The following MCM6 variants were observed in gnomAD, a reference collection of about 807,000 sequenced individuals.
The protein encoded by MCM6 is minichromosome maintenance complex component 6, also known as DNA replication licensing factor MCM6.
MCM6 carries 46 observed loss-of-function variants against 94.3 expected under a neutral mutation model. The ratio of observed to expected loss-of-function variants is 0.49; its 90% CI spans 0.39 to 0.62. The LOEUF is 0.62. Ranked by LOEUF, MCM6 falls within the 20% of genes least tolerant of loss-of-function variation. The pLI, the probability that MCM6 is intolerant of heterozygous loss-of-function variation, is 0.00. For synonymous variants in MCM6, 335 were observed against 351.9 expected, an observed-to-expected ratio of 0.95 and a Z score of 0.54; for missense variants, 865 against 1,017.9, an observed-to-expected ratio of 0.85 and a Z score of 2.04.
intron 1 of MCM6, among the ~76,000 whole-genome samples, chr2:135,874,950 T>C (rs1000058350): frequency 2.6e-5 from 4 of 152,202 alleles, no homozygotes; most frequent in African/African-American, 4.8e-5. Context: ...CTTCCACTTA[T>C]ATGAGGTACC....
intron 16 of MCM6, 62 bp downstream of exon 16, chr2:135,844,483 C>A (rs1679634349): frequency 1.5e-6 from 2 of 1,356,044 alleles, no homozygotes; most frequent in Non-Finnish European, 9.6e-7. Flanking sequence ...AGTGAACCTG[C>A]AGATACAGGG....
intron 8 of MCM6, among the ~76,000 whole-genome samples, chr2:135,861,198 C>T (rs1304650402): frequency 6.6e-6 from 1 of 152,100 alleles, no homozygotes; most frequent in East Asian, 1.9e-4. Context: ...TGGTACTATG[C>T]TACAAATTTC....
intron 10 of MCM6, among the ~76,000 whole-genome samples, chr2:135,857,670 A>G (rs954889112): frequency 3.3e-5 from 5 of 152,202 alleles, no homozygotes; most frequent in Non-Finnish European, 7.3e-5. Context: ...AAGAAAATAA[A>G]AGCTTTGTTC....
chr2:135,868,008 CAGAG>C lies in MCM6; in HGVS notation c.615+599_615+602del, dbSNP rs762253869. Among the ~76,000 whole-genome samples the C allele has an allele frequency of 1.1e-3, 162 of 152,102 alleles. 1 individual carries two copies. The highest frequency in any genetic ancestry group is 1.8e-3 in the Non-Finnish European group (125 of 67,996). ...CGCCACTGCACTCCAGCCTGGGTGA[CAGAG>C]AGAGACTGTCTCAAAAAAAAACAAA... On this transcript the variant is annotated intron_variant, in intron 4 of 16. Coordinates refer to ENST00000264156, the MANE Select transcript of MCM6 (RefSeq NM_005915.6).
At chr2:135,865,996 G>A (rs1388831795) in intron 6 of MCM6, 136 bp downstream of exon 6, 1 of 1,004,310 alleles carries the variant, frequency 1.0e-6, no homozygotes, top group Non-Finnish European at 1.4e-6. Context: ...CAGCTACTCA[G>A]GAGGTTGAGA....
chr2:135,843,899 G>A (rs183118294), intron 16 of MCM6, among the ~76,000 whole-genome samples: 2 of 152,152 alleles, frequency 1.3e-5, no homozygotes, highest in South Asian at 4.2e-4. Flanking sequence ...TACTGAGAAT[G>A]GCCAGCTGAC....
intron 5 of MCM6, 95 bp downstream of exon 5, chr2:135,866,468 G>A: frequency 1.4e-6 from 2 of 1,457,072 alleles, no homozygotes; most frequent in Non-Finnish European, 1.9e-6. Flanking sequence ...CTTCTGATTG[G>A]TAGCCAAAAA....
chr2:135,870,386 T>G, intron 2 of MCM6, 25 bp from the exon 3 acceptor site: 153 of 1,454,656 alleles, frequency 1.1e-4, no homozygotes, highest in Non-Finnish European at 1.4e-4. Flanking sequence ...AGTCAGCTGA[T>G]ACCTTAGAGG....
chr2:135,860,210 C>G (rs992344406), intron 8 of MCM6, among the ~76,000 whole-genome samples: 1 of 152,010 alleles, frequency 6.6e-6, no homozygotes, highest in South Asian at 2.1e-4. Context: ...TTGGCTCACT[C>G]CAAGCTCTGC....
intron 1 of MCM6, among the ~76,000 whole-genome samples, chr2:135,875,419 A>G (rs2105595540): frequency 6.6e-6 from 1 of 152,288 alleles, no homozygotes; most frequent in South Asian, 2.1e-4. Flanking sequence ...AACGAGGTGA[A>G]TGCACTTAGT....
intron 7 of MCM6, among the ~76,000 whole-genome samples, chr2:135,863,354 G>A (rs1680029664): frequency 6.6e-6 from 1 of 152,190 alleles, no homozygotes; most frequent in Non-Finnish European, 1.5e-5. Context: ...CTGTGGAACT[G>A]TCGACTCTCT....
rs3217413 is a variant in MCM6 at position 135,862,799 on chromosome 2, T to TA, written c.1079-52dup. On this transcript the variant is annotated intron_variant, in intron 7 of 16. Transcript: ENST00000264156. Reference sequence around the variant, plus strand: ...AAAAACTAATTTTTCAACATGAAGTTAAACACTTTCAGAAGAAACAGTAAA... The same window carrying TA: ...AAAAACTAATTTTTCAACATGAAGTTAAAACACTTTCAGAAGAAACAGTAAA... The TA allele has an allele frequency of 1.6e-4, 262 of 1,594,314 alleles. 1 individual carries two copies. The East Asian group carries it at 5.5e-3, about 33-fold the overall frequency.
Position 135,856,830 on chromosome 2 carries a change from T to C in MCM6, c.1524A>G (p.Gly508=), listed in dbSNP as rs781437653. 24 of 1,614,042 alleles carry C rather than the reference T, an allele frequency of 1.5e-5. No individual in the cohort carries two copies. In the East Asian group the frequency reaches 5.1e-4, roughly 34 times the overall value. Residue 508 remains glycine (G), a synonymous_variant, in exon 11 of 17, where the codon GGA becomes GGG. Transcript: ENST00000264156. ...SILAAANPIS[G]HYDRSKSLKQ... ...TCAATGATTTTGATCTGTCATAGTG[T>C]CCACTGATTGGGTTTGCTGCTGCCA... is the stretch of plus-strand genomic sequence containing the variant.
chr2:135,841,892 G>T (rs1679579304), intron 16 of MCM6, among the ~76,000 whole-genome samples: 1 of 152,096 alleles, frequency 6.6e-6, no homozygotes, highest in Non-Finnish European at 1.5e-5. Flanking sequence ...ATCACCTGAG[G>T]TCAGGAGTTT....
chr2:135,864,818 C>T (rs1680061183), intron 7 of MCM6, among the ~76,000 whole-genome samples, 195 bp downstream of exon 7: 1 of 152,086 alleles, frequency 6.6e-6, no homozygotes, highest in Admixed American at 6.6e-5. Context: ...TCTATCCTAC[C>T]GTGTCTCTAT....
chr2:135,851,267 C>A, intron 13 of MCM6, 135 bp downstream of exon 13: 1 of 650,984 alleles, frequency 1.5e-6, no homozygotes, highest in South Asian at 2.6e-5. Context: ...GGAAGAATTC[C>A]ATGGTCGTAT....
chr2:135,844,558 C>T lies in MCM6; in HGVS notation c.2336G>A (p.Arg779Gln), dbSNP rs770990427. The change falls in exon 16 of 17, where the codon CGA (arginine) becomes CAA (glutamine). Residue 779 changes from arginine to glutamine, a missense_variant. Transcript: ENST00000264156. Reference protein sequence around the residue: ...KKRIIEKVIHRLTHYDHVLIE... With the variant: ...KKRIIEKVIHQLTHYDHVLIE... ...TTCTGCACCTACATAGTGTGTGAGT[C>T]GATGAATAACTTTCTCTATGATTCT... is the stretch of plus-strand genomic sequence containing the variant. 3.3e-5 allele frequency: 52 copies of T among 1,570,182 alleles called. No homozygotes were observed. Among genetic ancestry groups the T allele is most frequent in the Admixed American group, 1.7e-4 (9 of 53,450 alleles).
chr2:135,856,827 G>A lies in MCM6; in HGVS notation c.1527C>T (p.His509=), dbSNP rs1380924226. 1.9e-6 allele frequency: 3 copies of A among 1,614,032 alleles called. No individual in the cohort carries two copies. The highest frequency in any genetic ancestry group is 2.5e-6 in the Non-Finnish European group (3 of 1,180,016). ...ILAAANPISG[H]YDRSKSLKQN... Reference sequence around the variant, plus strand: ...GTTTCAATGATTTTGATCTGTCATAGTGTCCACTGATTGGGTTTGCTGCTG... The same window carrying A: ...GTTTCAATGATTTTGATCTGTCATAATGTCCACTGATTGGGTTTGCTGCTG... The change falls in exon 11 of 17, where the codon CAC becomes CAT. Residue 509 remains histidine, a synonymous_variant. Coordinates refer to ENST00000264156, the MANE Select transcript of MCM6 (RefSeq NM_005915.6).
rs1679597475 is a variant in MCM6, at chr2:135,842,736, C to A, written c.2350-1785G>T. Among the ~76,000 whole-genome samples the A allele has an allele frequency of 2.6e-5, 4 of 152,108 alleles. No individual in the cohort carries two copies. In the South Asian group the frequency reaches 8.3e-4, roughly 32 times the overall value. On this transcript the variant is annotated intron_variant, in intron 16 of 16. Coordinates refer to ENST00000264156, the MANE Select transcript of MCM6 (RefSeq NM_005915.6). ...GGAGGAGGATATCTAGGGAAATGGA[C>A]AAAGGGTGAGTGCAAAGGCCCTCAT...
Sources: gnomAD v4.1 joint callset for allele counts (sites outside exome capture counted in the v4.1 genomes callset) on GRCh38, gnomAD v4.1.1 for gene constraint, MANE v1.5 for transcripts, NCBI Gene and HGNC (gene_info 2026-07-23, HGNC 2026-07-21) for gene names.